Variants in UGT1A9 observed in about 807,000 individuals in gnomAD.
UGT1A9 encodes UDP-glucuronosyltransferase 1A9.
A neutral mutation model predicts 45.0 loss-of-function variants in UGT1A9; 35 were observed. That is an observed-to-expected ratio of 0.78 (90% CI 0.59 to 1.03). UGT1A9 has a LOEUF of 1.03. Among genes scored for constraint, UGT1A9 ranks in the 50% least tolerant of loss-of-function variants. UGT1A9 has a pLI of 0.00. For missense variants in UGT1A9, 687 were observed against 666.6 expected (o/e 1.03, Z -0.34); for synonymous variants, 278 against 250.6 (o/e 1.11, Z -1.03).
chr2:233,772,803 T>C lies in UGT1A9; in HGVS notation c.*244T>C. On this transcript the variant is annotated 3_prime_UTR_variant, in exon 5 of 5. Transcript: ENST00000354728. The stretch of plus-strand genomic sequence containing the variant: ...TTGATCAGGATGACATGTGCCATTT[T>C]TCAGAGGACGTGCAGACAGGCTGGC... 8.8e-7 allele frequency: 1 copy of C among 1,134,554 alleles called. No homozygotes were observed. Among genetic ancestry groups the C allele is most frequent in the Non-Finnish European group, 1.2e-6 (1 of 843,778 alleles). The allele number at this position is 1,134,554 out of a possible 1,614,324, so 70.3% of individuals were successfully genotyped here.
chr2:233,752,243 C>G (rs777804991), intron 1 of UGT1A9: 1 of 152,156 alleles, frequency 6.6e-6, no homozygotes, highest in Non-Finnish European at 1.5e-5. Context: ...TTTTTGGACC[C>G]TACTGTGATG....
chr2:233,764,530 T>C (rs572226432), intron 1 of UGT1A9, among the ~76,000 whole-genome samples: 7 of 152,338 alleles, frequency 4.6e-5, no homozygotes, highest in African/African-American at 1.7e-4. Flanking sequence ...ATCCTGCTGA[T>C]TGCTGAGTGG....
Position 233,672,375 on chromosome 2 carries a change from C to G in UGT1A9, c.441C>G (p.Leu147=), listed in dbSNP as rs200266032. ...AGAGTTCTTTTGATGCAGTGTTTCT[C>G]GATCCTTTTGATAACTGTGGCTTAA... is the stretch of plus-strand genomic sequence containing the variant. ...LKESSFDAVF[L]DPFDNCGLIV... The change falls in exon 1 of 5, where the codon CTC becomes CTG. Residue 147 remains leucine, a synonymous_variant. Transcript: ENST00000354728. 4 of 1,613,944 alleles carry G rather than the reference C, an allele frequency of 2.5e-6. No individual in the cohort carries two copies. Among genetic ancestry groups the G allele is most frequent in the South Asian group, 2.2e-5 (2 of 91,078 alleles).
At chr2:233,753,747 C>G (rs1162212818) in intron 1 of UGT1A9, 1 of 152,226 alleles carries the variant, frequency 6.6e-6, no homozygotes, top group Non-Finnish European at 1.5e-5. Context: ...AGCAATAGGA[C>G]AGTTTTGCGT....
At chr2:233,738,407 A>T (rs568263428) in intron 1 of UGT1A9, among the ~76,000 whole-genome samples, 3 of 152,352 alleles carry the variant, frequency 2.0e-5, no homozygotes, top group African/African-American at 7.2e-5. Context: ...GAACTGGGTA[A>T]CAGGCAGAGG....
At chr2:233,767,701 T>C in intron 2 of UGT1A9, 148 bp from the exon 3 acceptor site, 1 of 1,506,270 alleles carries the variant, frequency 6.6e-7, no homozygotes, top group Admixed American at 2.1e-5. Flanking sequence ...AAGTTGCCAG[T>C]CCTCAGAAGC....
chr2:233,719,821 T>G (rs2076806401), intron 1 of UGT1A9: 5 of 1,570,050 alleles, frequency 3.2e-6, no homozygotes, highest in Middle Eastern at 4.6e-4. Flanking sequence ...ACAGATAAAC[T>G]GTTGAGGGGC....
At chr2:233,684,726 TAGAAA>T (rs2074696062) in intron 1 of UGT1A9, among the ~76,000 whole-genome samples, 1 of 151,954 alleles carries the variant, frequency 6.6e-6, no homozygotes, top group East Asian at 1.9e-4. Flanking sequence ...TATTTATAAA[TAGAAA>T]ATAAATATAA....
intron 1 of UGT1A9, among the ~76,000 whole-genome samples, chr2:233,700,393 A>AT (rs2075560829): frequency 6.6e-6 from 1 of 152,184 alleles, no homozygotes; most frequent in South Asian, 2.1e-4. Flanking sequence ...CATGTGGAAC[A>AT]TTTTGGCAGC....
At chr2:233,771,550 T>G (rs1700326393) in intron 4 of UGT1A9, 1 of 152,254 alleles carries the variant, frequency 6.6e-6, no homozygotes, top group Non-Finnish European at 1.5e-5. Flanking sequence ...TACAAATGGC[T>G]GTTAATTTGG....
chr2:233,710,513 G>A (rs1316837698), intron 1 of UGT1A9, among the ~76,000 whole-genome samples: 1 of 152,190 alleles, frequency 6.6e-6, no homozygotes, highest in Non-Finnish European at 1.5e-5. Context: ...TCTTATGACT[G>A]ATGATAATCT....
At chr2:233,692,142 C>G (rs1377073797) in intron 1 of UGT1A9, 1 of 152,134 alleles carries the variant, frequency 6.6e-6, no homozygotes, top group East Asian at 1.9e-4. Flanking sequence ...GTATGGAAGC[C>G]TACATAAAAA....
In UGT1A9 at chr2:233,768,367, T is replaced by C; in HGVS notation, c.1223T>C (p.Val408Ala). 6.2e-7 allele frequency: 1 copy of C among 1,614,082 alleles called. No individual in the cohort carries two copies. The highest frequency in any genetic ancestry group is 8.5e-7 in the Non-Finnish European group (1 of 1,180,022). The change falls in exon 4 of 5, where the codon GTG (valine) becomes GCG (alanine). Residue 408 changes from valine to alanine, a missense_variant. Val to Ala is a moderately conservative substitution (Grantham distance 64). Transcript: ENST00000354728. The stretch of plus-strand genomic sequence containing the variant: ...CGCATGGAGACTAAGGGAGCTGGAG[T>C]GACCCTGAATGTTCTGGAAATGACT... ...AKRMETKGAG[V>A]TLNVLEMTSE...
intron 1 of UGT1A9, among the ~76,000 whole-genome samples, chr2:233,756,939 C>G (rs1402557459): frequency 1.3e-5 from 2 of 151,990 alleles, no homozygotes; most frequent in African/African-American, 4.8e-5. Flanking sequence ...GTTACATAAC[C>G]TGAAACCCGG....
chr2:233,672,333 A>C lies in UGT1A9; in HGVS notation c.399A>C (p.Leu133Phe), dbSNP rs768755879. 14 of 1,614,160 alleles carry C rather than the reference A, an allele frequency of 8.7e-6. No homozygotes were observed. Among genetic ancestry groups the C allele is most frequent in the Non-Finnish European group, 1.1e-5 (13 of 1,180,012 alleles). Residue 133 changes from leucine to phenylalanine, a missense_variant, in exon 1 of 5, where the codon TTA becomes TTC. Coordinates refer to ENST00000354728, the MANE Select transcript of UGT1A9 (RefSeq NM_021027.3). ...GGAGTTTGTTTAAAGACAAAAAATT[A>C]GTAGAATACTTAAAGGAGAGTTCTT... The part of the protein sequence containing the change: ...NCRSLFKDKK[L>F]VEYLKESSFD...
chr2:233,687,348 G>T (rs542645031), intron 1 of UGT1A9, among the ~76,000 whole-genome samples: 1 of 152,264 alleles, frequency 6.6e-6, no homozygotes, highest in East Asian at 1.9e-4. Flanking sequence ...TTAAACTTCA[G>T]ATGGGTGGAC....
In UGT1A9 at chr2:233,672,246, T is replaced by TATATATTCTCTATTAATGGGTTC. The variant is rs1331679800; in HGVS notation, c.316_338dup (p.Asn114IlefsTer4). The TATATATTCTCTATTAATGGGTTC allele has an allele frequency of 8.2e-5, 133 of 1,614,096 alleles. No homozygotes were observed. Among genetic ancestry groups the TATATATTCTCTATTAATGGGTTC allele is most frequent in the Non-Finnish European group, 1.1e-4 (128 of 1,180,034 alleles). ...CTCAATGGAAAGCACAAGTACGAAGTATATATTCTCTATTAATGGGTTCAT... is the reference window on the plus strand; with the variant it reads ...CTCAATGGAAAGCACAAGTACGAAGTATATATTCTCTATTAATGGGTTCATATATTCTCTATTAATGGGTTCAT... On this transcript the variant is annotated frameshift_variant, in exon 1 of 5. Transcript: ENST00000354728. LOFTEE classifies it high-confidence loss of function.
At chr2:233,736,248 A>G (rs2078745941) in intron 1 of UGT1A9, among the ~76,000 whole-genome samples, 1 of 151,866 alleles carries the variant, frequency 6.6e-6, no homozygotes, top group Non-Finnish European at 1.5e-5. Context: ...TTCTCACTTT[A>G]TTTCATTAAT....
chr2:233,724,160 G>A (rs2077179945), intron 1 of UGT1A9, among the ~76,000 whole-genome samples: 4 of 120,854 alleles, frequency 3.3e-5, no homozygotes, highest in Admixed American at 7.7e-5. Context: ...GGGTGGGGGG[G>A]CTGACCCCCC....
Sources: gnomAD v4.1 joint callset for allele counts (sites outside exome capture counted in the v4.1 genomes callset) on GRCh38, gnomAD v4.1.1 for gene constraint, MANE v1.5 for transcripts, NCBI Gene and HGNC (gene_info 2026-07-23, HGNC 2026-07-21) for gene names.